OLFML1: variants seen among roughly 807,000 people sequenced by gnomAD.
OLFML1 encodes the protein olfactomedin-like protein 1.
In OLFML1, 33 loss-of-function variants were observed where a neutral mutation model predicts 37.3. The observed-to-expected ratio is 0.88, with a 90% CI of 0.67 to 1.18. The LOEUF is 1.18. Ranked by LOEUF, OLFML1 falls within the 50% of genes most tolerant of loss-of-function variation. OLFML1 has a pLI of 0.00. For synonymous variants in OLFML1, 186 were observed against 181.3 expected (o/e 1.03, Z -0.21); for missense variants, 545 against 483.7 (o/e 1.13, Z -1.19).
intron 2 of OLFML1, among the ~76,000 whole-genome samples, chr11:7,497,133 C>T (rs1334970797): frequency 6.6e-6 from 1 of 152,028 alleles, no homozygotes; most frequent in East Asian, 1.9e-4. Flanking sequence ...GTTCAGAAAC[C>T]CTTTACAGTC....
chr11:7,509,140 T>C (rs1180228239), intron 2 of OLFML1, among the ~76,000 whole-genome samples: 1 of 152,224 alleles, frequency 6.6e-6, no homozygotes, highest in East Asian at 1.9e-4. Context: ...GGTGAAAGAA[T>C]GGGCTTGGCT....
At chr11:7,493,830 A>G (rs76371167) in intron 2 of OLFML1, among the ~76,000 whole-genome samples, 22,768 of 152,252 alleles carry the variant, frequency 0.15, 1,827 homozygotes, top group African/African-American at 0.19. Flanking sequence ...TATTCAACAA[A>G]TGTCCAACTG....
In OLFML1 at chr11:7,510,085, CCA is replaced by C. The variant is rs761858503; in HGVS notation, c.1107_1108del (p.Met370AspfsTer8). On this transcript the variant is annotated frameshift_variant, in exon 3 of 3. Transcript: ENST00000329293. LOFTEE classifies it high-confidence loss of function. Reference sequence around the variant, plus strand: ...TTCCCCAAGAGACCAAGAAGTCACTCCATGATCCATTACAACCCCAGAGATAA... The same window carrying C: ...TTCCCCAAGAGACCAAGAAGTCACTCTGATCCATTACAACCCCAGAGATAA... The C allele has an allele frequency of 3.1e-6, 5 of 1,614,182 alleles. No individual in the cohort carries two copies. In the East Asian group the frequency reaches 1.1e-4, roughly 36 times the overall value.
At chr11:7,506,197 A>C (rs1017897655) in intron 2 of OLFML1, among the ~76,000 whole-genome samples, 2 of 152,214 alleles carry the variant, frequency 1.3e-5, no homozygotes. Context: ...TTGTTTTAAT[A>C]TAGGCTAGAT....
chr11:7,508,973 T>A (rs1408703735), intron 2 of OLFML1, among the ~76,000 whole-genome samples: 1 of 152,202 alleles, frequency 6.6e-6, no homozygotes, highest in African/African-American at 2.4e-5. Context: ...TATCCTGAAG[T>A]GAGTAAAATG....
rs1250366607 is a variant in OLFML1, at chr11:7,510,679, C to G, written c.*491C>G. ...TATTAATATTTCTTTCTTTTCTTTT[C>G]TTTTTTTTGAGACAAGGTCTCACTA... is the stretch of plus-strand genomic sequence containing the variant. On this transcript the variant is annotated 3_prime_UTR_variant, in exon 3 of 3. Coordinates refer to ENST00000329293, the MANE Select transcript of OLFML1 (RefSeq NM_198474.4). The G allele has an allele frequency of 6.6e-6, 1 of 152,410 alleles. No homozygotes were observed. Among genetic ancestry groups the G allele is most frequent in the Non-Finnish European group, 1.5e-5 (1 of 68,424 alleles). 9.4% of individuals were successfully genotyped at this position (152,410 alleles called of 1,614,324 possible). A position where few individuals can be genotyped will look rare whatever the true frequency, so the allele number is the denominator to read the frequency against.
At chr11:7,500,302 C>T (rs1390245928) in intron 2 of OLFML1, among the ~76,000 whole-genome samples, 1 of 152,234 alleles carries the variant, frequency 6.6e-6, no homozygotes, top group African/African-American at 2.4e-5. Context: ...GGCTTTTCTT[C>T]AGGCAAGAAG....
chr11:7,505,405 C>A (rs558734675), intron 2 of OLFML1, among the ~76,000 whole-genome samples: 90 of 152,294 alleles, frequency 5.9e-4, no homozygotes, highest in Non-Finnish European at 9.7e-4. Flanking sequence ...CTTTCCTACC[C>A]ATAATAGAAA....
At chr11:7,490,105 C>G (rs1253636656) in intron 2 of OLFML1, among the ~76,000 whole-genome samples, 4 of 86,880 alleles carry the variant, frequency 4.6e-5, no homozygotes, top group African/African-American at 1.9e-4. Flanking sequence ...ATTGTCAACA[C>G]AGGCAGAGGG....
chr11:7,485,653 T>C lies in OLFML1; in HGVS notation c.-223T>C. On this transcript the variant is annotated 5_prime_UTR_variant, in exon 1 of 3. Transcript: ENST00000329293. ...CTGCCACAGGTCAGTCTACAAGGCC[T>C]CAGGGACCAACTTGCCAACAGCTGG... 1.8e-6 allele frequency: 1 copy of C among 543,314 alleles called. No individual in the cohort carries two copies. The highest frequency in any genetic ancestry group is 3.2e-5 in the Admixed American group (1 of 30,792). The allele number at this position is 543,314 out of a possible 1,614,324, so 33.7% of individuals were successfully genotyped here. A position where few individuals can be genotyped will look rare whatever the true frequency, so the allele number is the denominator to read the frequency against.
Position 7,488,402 on chromosome 11 carries a change from TCTGCTGAATGCAAGTAAGAAAA to T in OLFML1, c.410_418+13del, listed in dbSNP as rs752196912. The T allele has an allele frequency of 6.2e-7, 1 of 1,612,578 alleles. No individual in the cohort carries two copies. Among genetic ancestry groups the T allele is most frequent in the Non-Finnish European group, 8.5e-7 (1 of 1,179,264 alleles). On this transcript the variant is annotated splice_donor_variant and splice_donor_5th_base_variant and coding_sequence_variant and intron_variant, in exon 2 of 3. Transcript: ENST00000329293. LOFTEE classifies it high-confidence loss of function. ...CTGAAGAAGAGAAAAAGATCCGGAC[TCTGCTGAATGCAAGTAAGAAAA>T]CTGCATCTTTTCCTAGCCCTTCTAG... is the stretch of plus-strand genomic sequence containing the variant.
chr11:7,510,440 GACC>G lies in OLFML1; in HGVS notation c.*255_*257del, dbSNP rs1848847055. 1 of 439,674 alleles carries G rather than the reference GACC, an allele frequency of 2.3e-6. No individual in the cohort carries two copies. The highest frequency in any genetic ancestry group is 3.6e-5 in the South Asian group (1 of 27,670). 27.2% of individuals were successfully genotyped at this position (439,674 alleles called of 1,614,324 possible). Reference sequence around the variant, plus strand: ...CCCAAACCTCCTGGCTCTCAAGGATGACCACATTCTGATACAGCCTACTTCAAG... The same window carrying G: ...CCCAAACCTCCTGGCTCTCAAGGATGACATTCTGATACAGCCTACTTCAAG... On this transcript the variant is annotated 3_prime_UTR_variant, in exon 3 of 3. Coordinates refer to ENST00000329293, the MANE Select transcript of OLFML1 (RefSeq NM_198474.4).
intron 2 of OLFML1, among the ~76,000 whole-genome samples, chr11:7,507,787 T>C (rs548789072): frequency 6.6e-6 from 1 of 152,338 alleles, no homozygotes; most frequent in East Asian, 1.9e-4. Flanking sequence ...GACCTTGTGA[T>C]ACACCTGCCT....
intron 1 of OLFML1, among the ~76,000 whole-genome samples, chr11:7,487,585 C>T (rs11041415): frequency 0.17 from 25,125 of 152,076 alleles, 2,194 homozygotes; most frequent in Admixed American, 0.21. Context: ...GTGCTAGGGA[C>T]GGATATTCTG....
At chr11:7,489,078 C>T (rs1003347014) in intron 2 of OLFML1, 1 of 152,230 alleles carries the variant, frequency 6.6e-6, no homozygotes, top group South Asian at 2.1e-4. Flanking sequence ...AAATCTCCCA[C>T]TTCAGGGTTT....
Position 7,500,519 on chromosome 11 carries a change from C to T in OLFML1, c.419-8879C>T, listed in dbSNP as rs551181159. Among the ~76,000 whole-genome samples the T allele has an allele frequency of 4.6e-5, 7 of 152,292 alleles. 1 individual carries two copies. The highest frequency in any genetic ancestry group is 1.4e-4 in the African/African-American group (6 of 41,558). On this transcript the variant is annotated intron_variant, in intron 2 of 2. Transcript: ENST00000329293. ...CAGCTCAGACTGAGCTCAGAGGACC[C>T]CATCCCCACGCTTTATGGCTGTGTG... is the stretch of plus-strand genomic sequence containing the variant.
intron 2 of OLFML1, among the ~76,000 whole-genome samples, chr11:7,498,475 G>A (rs1848687605): frequency 1.3e-5 from 2 of 152,162 alleles, no homozygotes; most frequent in Non-Finnish European, 1.5e-5. Context: ...TCCATGGGCA[G>A]TATCATGAAA....
intron 2 of OLFML1, among the ~76,000 whole-genome samples, chr11:7,501,567 C>T (rs1342765350): frequency 6.6e-6 from 1 of 152,176 alleles, no homozygotes; most frequent in Non-Finnish European, 1.5e-5. Flanking sequence ...CTGGGAGCAG[C>T]CAGTGATGTC....
chr11:7,490,064 A>T (rs1042610787), intron 2 of OLFML1, among the ~76,000 whole-genome samples: 3 of 147,310 alleles, frequency 2.0e-5, no homozygotes, highest in Non-Finnish European at 4.5e-5. Context: ...GTAATTAAAC[A>T]ATTAAAACAA....
Sources: allele counts gnomAD v4.1 joint callset (sites outside exome capture counted in the v4.1 genomes callset), GRCh38; gene constraint gnomAD v4.1.1; transcripts MANE v1.5; gene names NCBI Gene and HGNC (gene_info 2026-07-23, HGNC 2026-07-21).